The following HEXB variants were observed in gnomAD, a reference collection of about 807,000 sequenced individuals.
The protein encoded by HEXB is beta-hexosaminidase subunit beta.
HEXB carries 51 observed loss-of-function variants against 71.2 expected under a neutral mutation model. That is an observed-to-expected ratio of 0.72 (90% CI 0.57 to 0.90). The LOEUF is 0.90. Among genes scored for constraint, HEXB ranks in the 40% least tolerant of loss-of-function variants. HEXB has a pLI of 0.00. For missense variants in HEXB, 617 were observed against 677.0 expected (o/e 0.91, Z 0.98); for synonymous variants, 266 against 249.3 (o/e 1.07, Z -0.63).
intron 1 of HEXB, among the ~76,000 whole-genome samples, chr5:74,673,680 T>C (rs1748580865): frequency 6.6e-6 from 1 of 152,110 alleles, no homozygotes; most frequent in South Asian, 2.1e-4. Flanking sequence ...AATTCAGAAG[T>C]GAGTTAGGTG....
intron 1 of HEXB, among the ~76,000 whole-genome samples, chr5:74,666,581 T>C (rs1178548828): frequency 6.6e-6 from 1 of 152,080 alleles, no homozygotes; most frequent in Non-Finnish European, 1.5e-5. Context: ...CCCCACTCCC[T>C]GCTGCCCCCA....
rs369185664 is a variant in HEXB, at chr5:74,662,179, C to T, written c.-377+21621C>T. 1.4e-4 allele frequency among the ~76,000 whole-genome samples: 21 copies of T among 151,514 alleles called. No homozygotes were observed. In the East Asian group the frequency reaches 3.7e-3, roughly 26 times the overall value. ...TGATTTTAAGCTTTTTTTTTTCAGTCTTTGTGCTGTGCACAGACATGGTAA... is the reference window on the plus strand; with the variant it reads ...TGATTTTAAGCTTTTTTTTTTCAGTTTTTGTGCTGTGCACAGACATGGTAA... On this transcript the variant is annotated intron_variant, in intron 1 of 13. Coordinates refer to the HEXB transcript ENST00000511181.
chr5:74,657,702 G>A (rs1021477260), intron 1 of HEXB, among the ~76,000 whole-genome samples: 2 of 152,200 alleles, frequency 1.3e-5, no homozygotes, highest in African/African-American at 4.8e-5. Context: ...AAATAAGAAT[G>A]TGTTTTCCTT....
intron 1 of HEXB, among the ~76,000 whole-genome samples, chr5:74,662,216 C>A (rs567065858): frequency 6.6e-6 from 1 of 150,728 alleles, no homozygotes; most frequent in South Asian, 2.1e-4. Context: ...ACTCATTAGA[C>A]AATTTTATTT....
intron 5 of HEXB, among the ~76,000 whole-genome samples, chr5:74,698,950 G>A (rs1403393790): frequency 6.6e-6 from 1 of 151,898 alleles, no homozygotes; most frequent in African/African-American, 2.4e-5. Flanking sequence ...TTTGGGAGGT[G>A]GAGGCAGGTG....
intron 9 of HEXB, among the ~76,000 whole-genome samples, chr5:74,717,585 T>A (rs1749704431): frequency 6.6e-6 from 1 of 151,870 alleles, no homozygotes; most frequent in African/African-American, 2.4e-5. Flanking sequence ...GAGTAAAGAT[T>A]TTAGGCTTCA....
At chr5:74,653,916 G>T (rs1011521693) in intron 1 of HEXB, among the ~76,000 whole-genome samples, 1 of 152,140 alleles carries the variant, frequency 6.6e-6, no homozygotes, top group Non-Finnish European at 1.5e-5. Flanking sequence ...TGGTCTAGTT[G>T]CAGGCTTCTA....
chr5:74,685,581 G>A, intron 1 of HEXB, 22 bp downstream of exon 1: 1 of 1,531,052 alleles, frequency 6.5e-7, no homozygotes. Context: ...CGGCCCGGCC[G>A]GGAGTTGTCC....
At chr5:74,719,044 CTTTGT>C (rs1749745854) in intron 11 of HEXB, 73 bp downstream of exon 11, 2 of 1,473,106 alleles carry the variant, frequency 1.4e-6, no homozygotes, top group East Asian at 4.5e-5. Context: ...CCATTGTTAC[CTTTGT>C]TTTATGAGTT....
chr5:74,716,619 G>A lies in HEXB; in HGVS notation c.1115G>A (p.Arg372Lys). Reference sequence around the variant, plus strand: ...AATCCAAAAATTCAAGATTTCATGAGGCAAAAAGGCTTTGGCACAGATTTT... The same window carrying A: ...AATCCAAAAATTCAAGATTTCATGAAGCAAAAAGGCTTTGGCACAGATTTT... Reference protein sequence around the residue: ...ESNPKIQDFMRQKGFGTDFKK... With the variant: ...ESNPKIQDFMKQKGFGTDFKK... The change falls in exon 9 of 14, where the codon AGG becomes AAG. Residue 372 changes from arginine (R) to lysine (K), a missense_variant. By Grantham distance (26) the Arg-to-Lys change is conservative. Coordinates refer to ENST00000261416, the MANE Select transcript of HEXB (RefSeq NM_000521.4). 6.2e-7 allele frequency: 1 copy of A among 1,609,758 alleles called. No individual in the cohort carries two copies. The highest frequency in any genetic ancestry group is 8.5e-7 in the Non-Finnish European group (1 of 1,178,016).
At chr5:74,713,708 G>T in intron 7 of HEXB, 73 bp downstream of exon 7, 1 of 1,272,862 alleles carries the variant, frequency 7.9e-7, no homozygotes, top group East Asian at 2.5e-5. Flanking sequence ...CTGTCACCCA[G>T]GCTGGAGTGC....
intron 3 of HEXB, among the ~76,000 whole-genome samples, chr5:74,696,227 G>T (rs928371753): frequency 6.6e-6 from 1 of 152,198 alleles, no homozygotes; most frequent in African/African-American, 2.4e-5. Flanking sequence ...AGTCTTTGCA[G>T]CTATAAGTAA....
chr5:74,647,530 T>C (rs1748024927), intron 1 of HEXB, among the ~76,000 whole-genome samples: 1 of 152,226 alleles, frequency 6.6e-6, no homozygotes, highest in Admixed American at 6.5e-5. Context: ...CTGATGCGTG[T>C]GTTGTCAGAA....
Position 74,652,886 on chromosome 5 carries a change from A to G in HEXB, c.-377+12328A>G, listed in dbSNP as rs1748146737. ...GCCTCCCTCTTGGGCGACTACACAC[A>G]TCTACGCTAGTGACACATATCCCTT... is the stretch of plus-strand genomic sequence containing the variant. On this transcript the variant is annotated intron_variant, in intron 1 of 13. Transcript: ENST00000511181. This position sits in a 1 kb window ranked among gnomAD's most constrained non-coding sequence, Gnocchi z 5.4. Among the ~76,000 whole-genome samples the G allele has an allele frequency of 6.6e-6, 1 of 152,186 alleles. No homozygotes were observed. The highest frequency in any genetic ancestry group is 1.5e-5 in the Non-Finnish European group (1 of 68,040).
chr5:74,683,581 G>C (rs941812247), upstream of HEXB, among the ~76,000 whole-genome samples: 1 of 152,164 alleles, frequency 6.6e-6, no homozygotes, highest in Non-Finnish European at 1.5e-5. Context: ...TGGGATTACA[G>C]GCGTGAGCCA....
At position 74,662,075 on chromosome 5, in the gene HEXB, T is replaced by C. The variant is rs140127627; in HGVS notation, c.-377+21517T>C. Among the ~76,000 whole-genome samples, 246 of 152,286 alleles carry C rather than the reference T, an allele frequency of 1.6e-3. 1 individual carries two copies. The highest frequency in any genetic ancestry group is 5.6e-3 in the African/African-American group (231 of 41,564). Reference sequence around the variant, plus strand: ...TTTAAAAAATAGGCTTACTTTTAGCTGAGCATTAAATAAATGTGTTCATTG... The same window carrying C: ...TTTAAAAAATAGGCTTACTTTTAGCCGAGCATTAAATAAATGTGTTCATTG... On this transcript the variant is annotated intron_variant, in intron 1 of 13. Coordinates refer to the HEXB transcript ENST00000511181.
At position 74,717,127 on chromosome 5, in the gene HEXB, G is replaced by A. The variant is rs372101586; in HGVS notation, c.1169+454G>A. On this transcript the variant is annotated intron_variant, in intron 9 of 13. Coordinates refer to ENST00000261416, the MANE Select transcript of HEXB (RefSeq NM_000521.4). ...TCCTGGGAGATGGAGGTTACAGTGA[G>A]CTAAGATCGCACCACTGCACTCCAG... Among the ~76,000 whole-genome samples, 57 of 152,280 alleles carry A rather than the reference G, an allele frequency of 3.7e-4. 2 individuals carry two copies. In the South Asian group the frequency reaches 0.012, roughly 32 times the overall value.
Position 74,652,522 on chromosome 5 carries a change from G to A in HEXB, c.-377+11964G>A, listed in dbSNP as rs573119096. ...CATTCAAAAGAGTCCTCATAGTTGG[G>A]TATAGTTAGGACAAACAGACCATAA... On this transcript the variant is annotated intron_variant, in intron 1 of 13. Transcript: ENST00000511181. This position sits in a 1 kb window ranked among gnomAD's most constrained non-coding sequence, Gnocchi z 5.4. Among the ~76,000 whole-genome samples the A allele has an allele frequency of 4.1e-4, 62 of 152,292 alleles. No homozygotes were observed. Among genetic ancestry groups the A allele is most frequent in the Middle Eastern group, 3.4e-3 (1 of 294 alleles).
upstream of HEXB, among the ~76,000 whole-genome samples, chr5:74,680,339 G>A (rs1200248243): frequency 1.3e-5 from 2 of 152,218 alleles, no homozygotes; most frequent in African/African-American, 4.8e-5. Flanking sequence ...AATGTTTACA[G>A]TGGTTATTTT....
Sources: allele counts gnomAD v4.1 joint callset (sites outside exome capture counted in the v4.1 genomes callset), GRCh38; gene constraint gnomAD v4.1.1; non-coding constraint Gnocchi (gnomAD v3.1); transcripts MANE v1.5; gene names NCBI Gene and HGNC (gene_info 2026-07-23, HGNC 2026-07-21).